Variants in KCND3 observed in about 807,000 individuals in gnomAD.
KCND3 encodes A-type voltage-gated potassium channel KCND3.
Under a neutral mutation model 51.1 loss-of-function variants are expected in KCND3, and 9 were observed. The ratio of observed to expected loss-of-function variants is 0.18; its 90% confidence interval spans 0.11 to 0.31. The LOEUF is 0.31. Among genes scored for constraint, KCND3 ranks in the 10% least tolerant of loss-of-function variants. KCND3 has a pLI of 1.00. For synonymous variants in KCND3, 349 were observed against 368.0 expected (o/e 0.95, Z 0.59); for missense variants, 526 against 903.8 (o/e 0.58, Z 5.36).
intron 2 of KCND3, among the ~76,000 whole-genome samples, chr1:111,930,632 C>T (rs1337779519): frequency 1.3e-5 from 2 of 151,260 alleles, no homozygotes; most frequent in African/African-American, 2.4e-5. Context: ...GTAACCATCT[C>T]CATAAAGCAC....
rs753436740 is a variant in KCND3 at position 111,982,754 on chromosome 1, C to T, written c.-28G>A. 5.0e-5 allele frequency: 80 copies of T among 1,586,922 alleles called. No homozygotes were observed. The highest frequency in any genetic ancestry group is 1.5e-4 in the South Asian group (13 of 89,500). ...TGACTCCAGCTCTTGGGCCGGCAGC[C>T]GCGCGGACGCTAGGCACACCAGCTT... is the stretch of plus-strand genomic sequence containing the variant. On this transcript the variant is annotated 5_prime_UTR_variant, in exon 2 of 8. Transcript: ENST00000302127. The surrounding 1 kb of genome is among the most constrained non-coding windows in gnomAD (Gnocchi z 8.5).
chr1:111,854,893 T>A (rs1368631217), intron 2 of KCND3, among the ~76,000 whole-genome samples: 1 of 152,166 alleles, frequency 6.6e-6, no homozygotes, highest in Non-Finnish European at 1.5e-5. Flanking sequence ...AAGGCCTCGC[T>A]GTCTAGTCAG....
intron 2 of KCND3, among the ~76,000 whole-genome samples, chr1:111,927,909 G>A (rs1454474972): frequency 6.6e-6 from 1 of 152,108 alleles, no homozygotes. Context: ...TGCTCCCCAT[G>A]TCTGGGACGT....
intron 2 of KCND3, among the ~76,000 whole-genome samples, chr1:111,892,937 G>T (rs1309254505): frequency 6.6e-6 from 1 of 152,222 alleles, no homozygotes; most frequent in Non-Finnish European, 1.5e-5. Flanking sequence ...TAAGATATAA[G>T]AAGACTTCCT....
At chr1:111,949,784 C>T (rs1672967926) in intron 2 of KCND3, among the ~76,000 whole-genome samples, 1 of 151,998 alleles carries the variant, frequency 6.6e-6, no homozygotes, top group Non-Finnish European at 1.5e-5. Flanking sequence ...AGAAGCTTTT[C>T]TTGATTCCCA....
At chr1:111,816,671 T>C (rs1666104559) in intron 2 of KCND3, among the ~76,000 whole-genome samples, 1 of 152,216 alleles carries the variant, frequency 6.6e-6, no homozygotes, top group African/African-American at 2.4e-5. Context: ...TCATAGGTAT[T>C]ATTGCCAACT....
intron 2 of KCND3, among the ~76,000 whole-genome samples, chr1:111,829,808 C>G (rs969230779): frequency 6.6e-6 from 1 of 152,088 alleles, no homozygotes; most frequent in East Asian, 1.9e-4. Flanking sequence ...AATGGATTAT[C>G]CCCCCCAAAT....
intron 2 of KCND3, among the ~76,000 whole-genome samples, chr1:111,812,402 G>C (rs75718802): frequency 0.01 from 1,541 of 152,322 alleles, 22 homozygotes; most frequent in African/African-American, 0.033. Flanking sequence ...TAGGGCTTAA[G>C]GCTGAGGGCC....
At chr1:111,927,394 G>A (rs1319652744) in intron 2 of KCND3, among the ~76,000 whole-genome samples, 1 of 152,214 alleles carries the variant, frequency 6.6e-6, no homozygotes, top group Non-Finnish European at 1.5e-5. Context: ...CACTTTTGGA[G>A]ACCCCTTCCT....
intron 2 of KCND3, among the ~76,000 whole-genome samples, chr1:111,884,792 G>T (rs1669493990): frequency 6.6e-6 from 1 of 152,204 alleles, no homozygotes; most frequent in Admixed American, 6.5e-5. Flanking sequence ...TTAAGACTAG[G>T]TGACACCAAA....
intron 2 of KCND3, among the ~76,000 whole-genome samples, chr1:111,833,781 T>C (rs1666954422): frequency 6.6e-6 from 1 of 152,156 alleles, no homozygotes; most frequent in African/African-American, 2.4e-5. Context: ...AGTGTGTAGA[T>C]AGATATTCAA....
At chr1:111,940,147 T>C (rs1672443768) in intron 2 of KCND3, among the ~76,000 whole-genome samples, 1 of 137,230 alleles carries the variant, frequency 7.3e-6, no homozygotes, top group East Asian at 2.1e-4. Flanking sequence ...ACGGACAGAT[T>C]GCAAAATTTT....
intron 2 of KCND3, among the ~76,000 whole-genome samples, chr1:111,846,037 T>A (rs903041528): frequency 6.6e-6 from 1 of 152,206 alleles, no homozygotes; most frequent in African/African-American, 2.4e-5. Flanking sequence ...CAAAGCTCTG[T>A]TTTTCTACTT....
At chr1:111,910,768 A>G (rs1277763586) in intron 2 of KCND3, 4 of 152,178 alleles carry the variant, frequency 2.6e-5, no homozygotes, top group Non-Finnish European at 5.9e-5. Flanking sequence ...TCCTAACAAG[A>G]ACCCATTTCT....
intron 2 of KCND3, among the ~76,000 whole-genome samples, chr1:111,824,272 G>A (rs996886982): frequency 9.2e-5 from 14 of 152,196 alleles, no homozygotes; most frequent in African/African-American, 3.4e-4. Context: ...GTTGAAGCAG[G>A]GAGACCAGGC....
chr1:111,777,131 G>A lies in KCND3; in HGVS notation c.1661C>T (p.Thr554Ile). ...TTCCSRRSKK[T>I]THLPNSNLPA... ...CAGGTTAGAATTGGGCAGGTGTGTGGTCTTCTTACTACGACGGGAGCAGCA... is the reference window on the plus strand; with the variant it reads ...CAGGTTAGAATTGGGCAGGTGTGTGATCTTCTTACTACGACGGGAGCAGCA... Residue 554 changes from threonine (T) to isoleucine (I), a missense_variant, in exon 7 of 8, where the codon ACC becomes ATC. Transcript: ENST00000302127. 1 of 1,614,208 alleles carries A rather than the reference G, an allele frequency of 6.2e-7. No homozygotes were observed. Among genetic ancestry groups the A allele is most frequent in the Non-Finnish European group, 8.5e-7 (1 of 1,180,036 alleles).
intron 2 of KCND3, among the ~76,000 whole-genome samples, chr1:111,826,678 A>C (rs575366224): frequency 1.3e-5 from 2 of 152,326 alleles, no homozygotes; most frequent in African/African-American, 4.8e-5. Flanking sequence ...AAGGCTGAAG[A>C]GTTCATTCAG....
At chr1:111,784,421 T>G (rs774696644) in intron 3 of KCND3, among the ~76,000 whole-genome samples, 1 of 152,206 alleles carries the variant, frequency 6.6e-6, no homozygotes, top group African/African-American at 2.4e-5. Flanking sequence ...CCTCTCTACC[T>G]GTCCACTGCC....
chr1:111,816,173 T>G (rs1347638293), intron 2 of KCND3, among the ~76,000 whole-genome samples: 1 of 152,242 alleles, frequency 6.6e-6, no homozygotes. Context: ...CGGCCGGGTG[T>G]GGCCAGGAGG....
Sources: allele counts gnomAD v4.1 joint callset (sites outside exome capture counted in the v4.1 genomes callset), GRCh38; gene constraint gnomAD v4.1.1; non-coding constraint Gnocchi (gnomAD v3.1); transcripts MANE v1.5; gene names NCBI Gene and HGNC (gene_info 2026-07-23, HGNC 2026-07-21).